The following RSRC1 variants were observed in gnomAD, a reference collection of about 807,000 sequenced individuals.
RSRC1 encodes serine/Arginine-related protein 53.
Under a neutral mutation model 49.1 loss-of-function variants are expected in RSRC1, and 39 were observed. The ratio of observed to expected loss-of-function variants is 0.79; its 90% CI spans 0.61 to 1.04. The LOEUF (loss-of-function observed/expected upper bound fraction) is 1.04, where lower values mean the gene tolerates loss of function less well. Among genes scored for constraint, RSRC1 ranks in the 50% least tolerant of loss-of-function variants. The pLI, the probability that RSRC1 is intolerant of heterozygous loss-of-function variation, is 0.00. For missense variants in RSRC1, 388 were observed against 402.4 expected (o/e 0.96, Z 0.31); for synonymous variants, 143 against 130.8 (o/e 1.09, Z -0.63).
intron 4 of RSRC1, among the ~76,000 whole-genome samples, chr3:158,289,852 A>G (rs1726811067): frequency 6.6e-6 from 1 of 152,172 alleles, no homozygotes. Flanking sequence ...GAACATAAGA[A>G]TGTCCTTATA....
chr3:158,478,512 C>T (rs1738477884), intron 7 of RSRC1, among the ~76,000 whole-genome samples: 1 of 151,092 alleles, frequency 6.6e-6, no homozygotes, highest in Non-Finnish European at 1.5e-5. Flanking sequence ...GACTATTATT[C>T]CTCTCCCCCC....
At chr3:158,437,141 G>T (rs936337958) in intron 6 of RSRC1, among the ~76,000 whole-genome samples, 2 of 151,750 alleles carry the variant, frequency 1.3e-5, no homozygotes, top group East Asian at 1.9e-4. Context: ...TTTGGATGGG[G>T]ATCTGAAGAA....
chr3:158,451,497 G>A (rs1438842608), intron 6 of RSRC1, among the ~76,000 whole-genome samples: 1 of 151,964 alleles, frequency 6.6e-6, no homozygotes, highest in African/African-American at 2.4e-5. Context: ...TTTCCGGTGT[G>A]ACCTAGAAAG....
At chr3:158,221,242 T>G (rs1246394500) in intron 4 of RSRC1, among the ~76,000 whole-genome samples, 1 of 151,610 alleles carries the variant, frequency 6.6e-6, no homozygotes, top group Non-Finnish European at 1.5e-5. Flanking sequence ...TGCTGCTCTT[T>G]TCTTATAAAA....
At chr3:158,412,023 T>C (rs574843645) in intron 6 of RSRC1, among the ~76,000 whole-genome samples, 11 of 152,310 alleles carry the variant, frequency 7.2e-5, no homozygotes, top group African/African-American at 2.6e-4. Context: ...ATATCTTTGT[T>C]ATCTGCCATT....
Position 158,458,164 on chromosome 3 carries a change from A to G in RSRC1, c.584-2771A>G, listed in dbSNP as rs547219779. 4.6e-5 allele frequency among the ~76,000 whole-genome samples: 7 copies of G among 152,190 alleles called. No homozygotes were observed. The South Asian group carries it at 1.5e-3, about 32-fold the overall frequency. ...CCATTTGTAGTAAAGACAGCATAGT[A>G]AGTTGTAGGAAATGAAAATGGACAC... On this transcript the variant is annotated intron_variant, in intron 6 of 9. Transcript: ENST00000611884.
chr3:158,319,554 G>A (rs1728645995), intron 5 of RSRC1, among the ~76,000 whole-genome samples: 1 of 152,194 alleles, frequency 6.6e-6, no homozygotes, highest in Non-Finnish European at 1.5e-5. Flanking sequence ...TAAGCTCAGT[G>A]TAGGCTGTTT....
At position 158,340,075 on chromosome 3, in the gene RSRC1, C is replaced by T. The variant is rs112275358; in HGVS notation, c.532-14782C>T. 7.3e-3 allele frequency among the ~76,000 whole-genome samples: 1,107 copies of T among 152,278 alleles called. 15 individuals carry two copies. The highest frequency in any genetic ancestry group is 0.026 in the African/African-American group (1,073 of 41,546). Reference sequence around the variant, plus strand: ...CTTTGGCTGTGTCCCCACTAAATCTCAACTTGAATTGTATCTCCCATAATT... The same window carrying T: ...CTTTGGCTGTGTCCCCACTAAATCTTAACTTGAATTGTATCTCCCATAATT... On this transcript the variant is annotated intron_variant, in intron 5 of 9. Coordinates refer to ENST00000611884, the MANE Select transcript of RSRC1 (RefSeq NM_001271838.2).
chr3:158,489,835 AGG>A (rs931896733), intron 7 of RSRC1, among the ~76,000 whole-genome samples: 2 of 152,158 alleles, frequency 1.3e-5, no homozygotes, highest in African/African-American at 4.8e-5. Flanking sequence ...AAACAGGAAA[AGG>A]GATTAGTATC....
At chr3:158,183,140 C>A (rs1176038761) in intron 3 of RSRC1, among the ~76,000 whole-genome samples, 1 of 151,820 alleles carries the variant, frequency 6.6e-6, no homozygotes, top group Non-Finnish European at 1.5e-5. Flanking sequence ...TGTTATTGGT[C>A]CAGATAAAGG....
chr3:158,469,925 T>C (rs1188026397), intron 7 of RSRC1, among the ~76,000 whole-genome samples: 2 of 152,074 alleles, frequency 1.3e-5, no homozygotes, highest in East Asian at 1.9e-4. Flanking sequence ...TTTAATGATG[T>C]CAGAATGTGT....
chr3:158,401,350 C>G (rs980263535), intron 6 of RSRC1, among the ~76,000 whole-genome samples: 16 of 152,016 alleles, frequency 1.1e-4, no homozygotes, highest in Non-Finnish European at 1.5e-4. Context: ...AGTCCCACTG[C>G]TAGTGTAATC....
At chr3:158,271,667 A>C (rs1192172109) in intron 4 of RSRC1, among the ~76,000 whole-genome samples, 3 of 152,156 alleles carry the variant, frequency 2.0e-5, no homozygotes, top group African/African-American at 7.2e-5. Context: ...TTACATCATG[A>C]AATAGTAAAA....
intron 4 of RSRC1, among the ~76,000 whole-genome samples, chr3:158,208,867 A>G (rs1001808354): frequency 5.9e-5 from 9 of 152,340 alleles, no homozygotes; most frequent in African/African-American, 2.2e-4. Context: ...TGAATGTTAT[A>G]CATCCTATCT....
intron 3 of RSRC1, among the ~76,000 whole-genome samples, chr3:158,198,618 T>C (rs2108273589): frequency 6.6e-6 from 1 of 152,302 alleles, no homozygotes; most frequent in Non-Finnish European, 1.5e-5. Context: ...GTTGTTGCAG[T>C]GGCTGGTACC....
chr3:158,412,222 A>G (rs1183021642), intron 6 of RSRC1, among the ~76,000 whole-genome samples: 4 of 152,180 alleles, frequency 2.6e-5, no homozygotes, highest in Non-Finnish European at 1.5e-5. Flanking sequence ...GTGAAAAGAA[A>G]TGAGAGAGAA....
intron 6 of RSRC1, among the ~76,000 whole-genome samples, chr3:158,450,079 T>C (rs1273228137): frequency 3.3e-5 from 5 of 151,984 alleles, no homozygotes; most frequent in Non-Finnish European, 5.9e-5. Context: ...GGTTTGTTTT[T>C]CCATTTCCCC....
chr3:158,294,966 T>C (rs1727154519), intron 4 of RSRC1, among the ~76,000 whole-genome samples: 2 of 152,182 alleles, frequency 1.3e-5, no homozygotes, highest in African/African-American at 4.8e-5. Flanking sequence ...GATTCAGTCA[T>C]TGTATTGGGT....
At chr3:158,405,227 A>C (rs1734096823) in intron 6 of RSRC1, among the ~76,000 whole-genome samples, 1 of 152,072 alleles carries the variant, frequency 6.6e-6, no homozygotes, top group African/African-American at 2.4e-5. Flanking sequence ...AGTGTAAATT[A>C]ATGCAGTTAT....
Sources: allele counts gnomAD v4.1 joint callset (sites outside exome capture counted in the v4.1 genomes callset), GRCh38; gene constraint gnomAD v4.1.1; transcripts MANE v1.5; gene names NCBI Gene and HGNC (gene_info 2026-07-23, HGNC 2026-07-21).